The following MBP variants were observed in gnomAD, a reference collection of about 807,000 sequenced individuals.
The protein encoded by MBP is Golli-MBP.
In MBP, 16 loss-of-function variants were observed where a neutral mutation model predicts 35.8. The observed-to-expected ratio is 0.45, with a 90% CI of 0.30 to 0.68. The LOEUF (loss-of-function observed/expected upper bound fraction) is 0.68, where lower values mean the gene tolerates loss of function less well. MBP is among the 30% of genes least tolerant of loss of function. The pLI, the probability that MBP is intolerant of heterozygous loss-of-function variation, is 0.08. For synonymous variants in MBP, 143 were observed against 159.6 expected (o/e 0.90, Z 0.78); for missense variants, 380 against 404.7 (o/e 0.94, Z 0.52).
intron 4 of MBP, among the ~76,000 whole-genome samples, chr18:77,009,686 G>A (rs1257150604): frequency 6.6e-6 from 1 of 152,228 alleles, no homozygotes; most frequent in Non-Finnish European, 1.5e-5. Flanking sequence ...GCTTTTCCCT[G>A]GGGGAGGCCT....
chr18:77,122,465 G>A (rs1012279861), intron 1 of MBP, among the ~76,000 whole-genome samples: 6 of 152,188 alleles, frequency 3.9e-5, no homozygotes, highest in African/African-American at 1.4e-4. Flanking sequence ...GGCAGCTCCC[G>A]GGACAGTGGA....
intron 2 of MBP, among the ~76,000 whole-genome samples, chr18:77,098,122 T>A (rs1232812890): frequency 1.3e-5 from 2 of 149,308 alleles, no homozygotes. Context: ...TTTGTTGGTC[T>A]CCTGATTAGA....
At chr18:77,055,706 G>C (rs1262697048) in intron 3 of MBP, among the ~76,000 whole-genome samples, 1 of 151,828 alleles carries the variant, frequency 6.6e-6, no homozygotes, top group Admixed American at 6.6e-5. Context: ...GGTGGTGTTT[G>C]GCCTCTGTTT....
chr18:77,053,355 C>G lies in MBP; in HGVS notation c.139+12943G>C, dbSNP rs999006686. Among the ~76,000 whole-genome samples, 121 of 152,374 alleles carry G rather than the reference C, an allele frequency of 7.9e-4. 1 individual carries two copies. The highest frequency in any genetic ancestry group is 2.9e-3 in the African/African-American group (119 of 41,594). The stretch of plus-strand genomic sequence containing the variant: ...ACTCAGCTGGGTCGGGACTGAGCTC[C>G]GTCCTCAGCCCCTGCAGCCAAGACG... On this transcript the variant is annotated intron_variant, in intron 3 of 8. Coordinates refer to ENST00000355994, the MANE Select transcript of MBP (RefSeq NM_001025101.2).
In MBP at chr18:76,989,689, G is replaced by A; in HGVS notation, c.681+267C>T. 1 of 425,286 alleles carries A rather than the reference G, an allele frequency of 2.4e-6. No homozygotes were observed. The highest frequency in any genetic ancestry group is 4.3e-6 in the Non-Finnish European group (1 of 233,026). 26.3% of individuals were successfully genotyped at this position (425,286 alleles called of 1,614,324 possible). A position where few individuals can be genotyped will look rare whatever the true frequency, so the allele number is the denominator to read the frequency against. ...TGCAAAGCCTGTGTTTTTAGGCTAA[G>A]CGTTACATGGGAGCCTAATCTCAAG... On this transcript the variant is annotated intron_variant, in intron 5 of 8. Transcript: ENST00000355994. The surrounding 1 kb of genome is among the most constrained non-coding windows in gnomAD (Gnocchi z 4.0).
At chr18:77,112,289 T>A (rs1466845926) in intron 1 of MBP, among the ~76,000 whole-genome samples, 1 of 152,170 alleles carries the variant, frequency 6.6e-6, no homozygotes, top group Non-Finnish European at 1.5e-5. Flanking sequence ...GCGGCAAAGC[T>A]GTGGGATGCG....
At chr18:77,097,064 ACAGGGTCCC>A (rs915178188) in intron 2 of MBP, among the ~76,000 whole-genome samples, 16 of 152,322 alleles carry the variant, frequency 1.1e-4, no homozygotes, top group African/African-American at 3.8e-4. Flanking sequence ...GGGGAAGGGT[ACAGGGTCCC>A]CAGAGACCAG....
chr18:77,094,028 G>A (rs577063673), intron 2 of MBP, among the ~76,000 whole-genome samples: 173 of 151,120 alleles, frequency 1.1e-3, no homozygotes, highest in Middle Eastern at 6.8e-3. Context: ...CCAGGCTGGA[G>A]TGCAGTGGTG....
At chr18:77,067,982 G>A (rs1404651948) in intron 2 of MBP, among the ~76,000 whole-genome samples, 1 of 151,766 alleles carries the variant, frequency 6.6e-6, no homozygotes, top group East Asian at 1.9e-4. Context: ...CCGCCTCCTG[G>A]TCACTAAGAG....
chr18:77,087,331 T>C (rs1975285243), intron 2 of MBP: 1 of 152,202 alleles, frequency 6.6e-6, no homozygotes, highest in South Asian at 2.1e-4. Flanking sequence ...AGGCCAACAT[T>C]GATGATGACC....
chr18:77,132,170 A>C (rs1161301363), intron 1 of MBP, among the ~76,000 whole-genome samples: 1 of 151,148 alleles, frequency 6.6e-6, no homozygotes, highest in Non-Finnish European at 1.5e-5. Flanking sequence ...CCTCAGCCCC[A>C]CGGCCCGAGG....
At chr18:77,037,787 C>G (rs1972836729) in intron 3 of MBP, among the ~76,000 whole-genome samples, 2 of 152,326 alleles carry the variant, frequency 1.3e-5, no homozygotes, top group Middle Eastern at 6.8e-3. Flanking sequence ...TGGGTGACAG[C>G]AGGACGGTAC....
chr18:77,066,092 G>C, intron 3 of MBP: 1 of 518,430 alleles, frequency 1.9e-6, no homozygotes, highest in East Asian at 3.0e-5. Flanking sequence ...TGAGCTCCTG[G>C]GCTCAAGCGA....
chr18:77,123,531 C>T (rs1241195185), intron 1 of MBP, among the ~76,000 whole-genome samples: 2 of 152,224 alleles, frequency 1.3e-5, no homozygotes, highest in East Asian at 3.8e-4. Context: ...GGTCTGTTTC[C>T]TTCCTTCACT....
intron 1 of MBP, among the ~76,000 whole-genome samples, chr18:77,125,740 C>T (rs535915748): frequency 6.6e-6 from 1 of 152,002 alleles, no homozygotes; most frequent in Non-Finnish European, 1.5e-5. Flanking sequence ...AGTGTGTTTC[C>T]CTCCTTTTTT....
Position 77,017,077 on chromosome 18 carries a change from G to A in MBP, c.331C>T (p.Pro111Ser), listed in dbSNP as rs747319796. 2.5e-6 allele frequency: 4 copies of A among 1,611,426 alleles called. No homozygotes were observed. Among genetic ancestry groups the A allele is most frequent in the East Asian group, 2.2e-5 (1 of 44,800 alleles). ...GTCTGGAGCTCGTCGGACTCAGAGG[G>A]CCTGTCTTTGAAGGTGTTGTCCTCC... ...GREDNTFKDR[P>S]SESDELQTIQ... The change falls in exon 4 of 9, where the codon CCC (proline) becomes TCC (serine). Residue 111 changes from proline (P) to serine (S), a missense_variant. By Grantham distance (74) the Pro-to-Ser change is moderately conservative. Coordinates refer to ENST00000355994, the MANE Select transcript of MBP (RefSeq NM_001025101.2).
intron 1 of MBP, among the ~76,000 whole-genome samples, chr18:77,112,448 C>T (rs768636260): frequency 2.1e-4 from 32 of 152,322 alleles, no homozygotes; most frequent in Admixed American, 6.5e-4. Flanking sequence ...TCCCAGCCCT[C>T]GTGCATAACG....
chr18:76,992,400 C>T lies in MBP; in HGVS notation c.577-2340G>A, dbSNP rs1393018550. Among the ~76,000 whole-genome samples, 5 of 152,298 alleles carry T rather than the reference C, an allele frequency of 3.3e-5. No individual in the cohort carries two copies. The East Asian group carries it at 5.8e-4, about 18-fold the overall frequency. ...AGCTCAGGAGATAATCTCACTCGCC[C>T]GCTGCTCACCTCCTGCTGTGCACCT... On this transcript the variant is annotated intron_variant, in intron 4 of 8. Transcript: ENST00000355994.
chr18:77,063,463 C>T (rs1974068331), intron 3 of MBP, among the ~76,000 whole-genome samples: 1 of 152,134 alleles, frequency 6.6e-6, no homozygotes, highest in Non-Finnish European at 1.5e-5. Context: ...TTTGACTCAA[C>T]CTGAATCAGG....
Sources: gnomAD v4.1 joint callset for allele counts (sites outside exome capture counted in the v4.1 genomes callset) on GRCh38, gnomAD v4.1.1 for gene constraint, Gnocchi (gnomAD v3.1) non-coding constraint, MANE v1.5 for transcripts, NCBI Gene and HGNC (gene_info 2026-07-23, HGNC 2026-07-21) for gene names.